GALNTL5: variants seen among roughly 807,000 people sequenced by gnomAD.
GALNTL5 encodes the protein polypeptide N-acetylgalactosaminyltransferase like 5.
Under a neutral mutation model 51.0 loss-of-function variants are expected in GALNTL5, and 44 were observed. That is an observed-to-expected ratio of 0.86 (90% CI 0.68 to 1.11). The LOEUF (loss-of-function observed/expected upper bound fraction) is 1.11, where lower values mean the gene tolerates loss of function less well. GALNTL5 is among the 50% of genes least tolerant of loss of function. The pLI, the probability that GALNTL5 is intolerant of heterozygous loss-of-function variation, is 0.00. For synonymous variants in GALNTL5, 192 were observed against 182.8 expected (o/e 1.05, Z -0.41); for missense variants, 528 against 531.8 (o/e 0.99, Z 0.07).
intron 1 of GALNTL5, among the ~76,000 whole-genome samples, chr7:151,959,127 G>A (rs911573041): frequency 2.0e-5 from 3 of 152,086 alleles, no homozygotes; most frequent in Non-Finnish European, 4.4e-5. Context: ...TTTCACTGGG[G>A]ACCTGCCCCT....
intron 3 of GALNTL5, among the ~76,000 whole-genome samples, chr7:151,971,541 A>G (rs1216219291): frequency 1.3e-5 from 2 of 152,164 alleles, no homozygotes; most frequent in East Asian, 1.9e-4. Context: ...TGCCATTTTA[A>G]TCCTCTTTAA....
intron 4 of GALNTL5, among the ~76,000 whole-genome samples, chr7:151,986,576 A>T (rs2081361848): frequency 6.6e-6 from 1 of 152,174 alleles, no homozygotes; most frequent in Admixed American, 6.6e-5. Flanking sequence ...TCAAGGCTGC[A>T]GTGAGCTATG....
chr7:152,012,165 C>A (rs2081745561), intron 7 of GALNTL5, among the ~76,000 whole-genome samples: 1 of 152,150 alleles, frequency 6.6e-6, no homozygotes, highest in Non-Finnish European at 1.5e-5. Context: ...GATCCATTGG[C>A]CAAATGTGTC....
Position 151,990,580 on chromosome 7 carries a change from C to CAAAAA in GALNTL5, c.658+3307_658+3311dup, listed in dbSNP as rs575658831. Among the ~76,000 whole-genome samples the CAAAAA allele has an allele frequency of 8.9e-3, 193 of 21,670 alleles. 28 individuals are homozygous for CAAAAA. Among genetic ancestry groups the CAAAAA allele is most frequent in the East Asian group, 0.046 (22 of 482 alleles). The allele number at this position is 21,670 out of a possible 152,430, so 14.2% of individuals were successfully genotyped here. ...TGGGCGACAGAGCGAGACTCCATCT[C>CAAAAA]AAAAAAAAAAAAGCCCACTTTCTCT... is the stretch of plus-strand genomic sequence containing the variant. On this transcript the variant is annotated intron_variant, in intron 5 of 8. Coordinates refer to ENST00000392800, the MANE Select transcript of GALNTL5 (RefSeq NM_145292.4).
At chr7:151,995,347 A>ATTTTTTTTTTTTTTTTTTTTTTTTTT (rs1563017632) in intron 5 of GALNTL5, 1 of 90,980 alleles carries the variant, frequency 1.1e-5, no homozygotes, top group South Asian at 4.3e-4. Flanking sequence ...AGTTGGTATG[A>ATTTTTTTTTTTTTTTTTTTTTTTTTT]ATTTTTTTTT....
Position 151,962,436 on chromosome 7 carries a change from C to CTTTTTTTTTTTT in GALNTL5, c.-39-4768_-39-4757dup, listed in dbSNP as rs61210832. Among the ~76,000 whole-genome samples, 237 of 116,170 alleles carry CTTTTTTTTTTTT rather than the reference C, an allele frequency of 2.0e-3. 6 individuals carry two copies. The highest frequency in any genetic ancestry group is 3.3e-3 in the African/African-American group (103 of 31,582). The allele number at this position is 116,170 out of a possible 152,430, so 76.2% of individuals were successfully genotyped here. On this transcript the variant is annotated intron_variant, in intron 1 of 8. Coordinates refer to ENST00000392800, the MANE Select transcript of GALNTL5 (RefSeq NM_145292.4). ...AAAAAAGTCTGTGTGATTTTTTTTT[C>CTTTTTTTTTTTT]TTTTTTTTTTTTTTTGGTTAATGCA...
At chr7:152,000,860 A>AT (rs1313736465) in intron 5 of GALNTL5, among the ~76,000 whole-genome samples, 4 of 145,446 alleles carry the variant, frequency 2.8e-5, no homozygotes, top group East Asian at 4.0e-4. Flanking sequence ...CATTTTGTGG[A>AT]TTTTTTTCTC....
At chr7:152,019,247 A>G (rs1409199882) in intron 8 of GALNTL5, among the ~76,000 whole-genome samples, 1 of 152,188 alleles carries the variant, frequency 6.6e-6, no homozygotes, top group Non-Finnish European at 1.5e-5. Context: ...TGCAGGATCT[A>G]TTCTCCCTTT....
intron 5 of GALNTL5, among the ~76,000 whole-genome samples, chr7:151,989,149 A>G (rs762792033): frequency 6.8e-6 from 1 of 148,002 alleles, no homozygotes; most frequent in Non-Finnish European, 1.5e-5. Context: ...TATGGATTTT[A>G]TTTTTTCTCT....
intron 3 of GALNTL5, among the ~76,000 whole-genome samples, chr7:151,972,837 C>T (rs2081161484): frequency 6.6e-6 from 1 of 152,130 alleles, no homozygotes; most frequent in East Asian, 1.9e-4. Flanking sequence ...GGGGCAGAGC[C>T]CTCGTGGAGA....
intron 1 of GALNTL5, among the ~76,000 whole-genome samples, chr7:151,962,603 GGTTTT>G (rs1178423303): frequency 1.3e-5 from 1 of 75,632 alleles, no homozygotes; most frequent in African/African-American, 3.9e-5. Context: ...TCCATGTCTG[GGTTTT>G]GTTTGTTTGT....
At chr7:152,016,384 A>T (rs2081813750) in intron 8 of GALNTL5, among the ~76,000 whole-genome samples, 1 of 151,748 alleles carries the variant, frequency 6.6e-6, no homozygotes. Context: ...AGCCTGGGCA[A>T]CGAGAGCAAA....
At chr7:151,966,355 C>T (rs1373257018) in intron 1 of GALNTL5, among the ~76,000 whole-genome samples, 2 of 151,926 alleles carry the variant, frequency 1.3e-5, no homozygotes, top group African/African-American at 2.4e-5. Context: ...GCAACCTCCG[C>T]TTCCCAGGTT....
chr7:151,982,833 G>T, intron 3 of GALNTL5, 153 bp from the exon 4 acceptor site: 2 of 1,515,244 alleles, frequency 1.3e-6, no homozygotes, highest in Non-Finnish European at 1.8e-6. Context: ...AAATTTTTGT[G>T]TTTTTAGATG....
chr7:151,980,241 G>A lies in GALNTL5; in HGVS notation c.369-2745G>A, dbSNP rs754226533. 3.9e-5 allele frequency among the ~76,000 whole-genome samples: 6 copies of A among 152,036 alleles called. No individual in the cohort carries two copies. In the South Asian group the frequency reaches 6.2e-4, roughly 16 times the overall value. ...TGGGATTACAGTCATGCACCACCAC[G>A]CCCAGCTAATTTTTGTATTTTTAAT... On this transcript the variant is annotated intron_variant, in intron 3 of 8. Transcript: ENST00000392800.
At chr7:151,978,568 A>C (rs1434137343) in intron 3 of GALNTL5, among the ~76,000 whole-genome samples, 1 of 152,158 alleles carries the variant, frequency 6.6e-6, no homozygotes, top group Non-Finnish European at 1.5e-5. Context: ...TTGGTATCCA[A>C]ATATTGGTTT....
At chr7:151,983,864 A>T (rs1421531774) in intron 4 of GALNTL5, among the ~76,000 whole-genome samples, 1 of 152,192 alleles carries the variant, frequency 6.6e-6, no homozygotes, top group African/African-American at 2.4e-5. Context: ...TATTTTATGT[A>T]GTCTATGCAT....
chr7:152,004,453 G>C (rs1007211409), intron 6 of GALNTL5, among the ~76,000 whole-genome samples: 1 of 151,696 alleles, frequency 6.6e-6, no homozygotes, highest in East Asian at 1.9e-4. Flanking sequence ...TTATTTTATT[G>C]ATTTATTATT....
At chr7:151,959,410 T>C (rs1395575836) in intron 1 of GALNTL5, among the ~76,000 whole-genome samples, 1 of 152,196 alleles carries the variant, frequency 6.6e-6, no homozygotes, top group Admixed American at 6.5e-5. Flanking sequence ...TAGTTAGAAG[T>C]TGCCTTCTTC....
Sources: allele counts gnomAD v4.1 joint callset (sites outside exome capture counted in the v4.1 genomes callset), GRCh38; gene constraint gnomAD v4.1.1; transcripts MANE v1.5; gene names NCBI Gene and HGNC (gene_info 2026-07-23, HGNC 2026-07-21).